TTN: variants seen among roughly 807,000 people sequenced by gnomAD.
The protein encoded by TTN is connectin.
TTN carries 1,525 observed loss-of-function variants against 3,223.0 expected under a neutral mutation model. The observed-to-expected ratio is 0.47, with a 90% CI of 0.45 to 0.49. TTN has a LOEUF of 0.49. Among genes scored for constraint, TTN ranks in the 20% least tolerant of loss-of-function variants. The pLI is 0.00. For missense variants in TTN, 40,786 were observed against 43,424.0 expected (o/e 0.94, Z 5.40); for synonymous variants, 14,094 against 15,161.0 (o/e 0.93, Z 5.17).
At chr2:178,629,702 C>T (rs1651248871) in intron 239 of TTN, among the ~76,000 whole-genome samples, 1 of 152,080 alleles carries the variant, frequency 6.6e-6, no homozygotes, top group Non-Finnish European at 1.5e-5. Context: ...GTCTCTCTGC[C>T]AGGCGTCAAG....
rs73038310 is a variant in TTN at position 178,626,530 on chromosome 2, G to A, written c.44425-1134C>T. Among the ~76,000 whole-genome samples the A allele has an allele frequency of 4.2e-3, 632 of 151,684 alleles. 7 individuals are homozygous for A. Among genetic ancestry groups the A allele is most frequent in the South Asian group, 0.024 (117 of 4,824 alleles). ...AAGTTTTTCACCAGTGGAACTATTT[G>A]TTATGCTAGTGTAAAGAAAAGAATC... On this transcript the variant is annotated intron_variant, in intron 240 of 362. Transcript: ENST00000589042.
rs541476378 is a variant in TTN at position 178,562,577 on chromosome 2, G to C, written c.83555C>G (p.Ala27852Gly). ...ASNEYGIGLPAETTEPVKVSE... is the reference protein window; with the variant it reads ...ASNEYGIGLPGETTEPVKVSE... ...CACTTTAACGGGTTCTGTTGTTTCA[G>C]CTGGCAAACCAATCCCATATTCATT... Residue 27852 changes from alanine to glycine, a missense_variant, in exon 326 of 363, where the codon GCT (alanine) becomes GGT (glycine). Physicochemically the swap from Ala to Gly is moderately conservative, Grantham distance 60. Transcript: ENST00000589042. 3 of 1,610,956 alleles carry C rather than the reference G, an allele frequency of 1.9e-6. No individual in the cohort carries two copies. Among genetic ancestry groups the C allele is most frequent in the Non-Finnish European group, 2.5e-6 (3 of 1,178,732 alleles).
intron 135 of TTN, 90 bp downstream of exon 135, chr2:178,682,607 A>C: frequency 7.7e-7 from 1 of 1,293,756 alleles, no homozygotes; most frequent in South Asian, 1.9e-5. Flanking sequence ...TGGGTATCCA[A>C]ATTTTTATCT....
At position 178,587,424 on chromosome 2, in the gene TTN, A is replaced by G. The variant is rs1401733771; in HGVS notation, c.63794-7T>C. 1 of 1,604,886 alleles carries G rather than the reference A, an allele frequency of 6.2e-7. No homozygotes were observed. The highest frequency in any genetic ancestry group is 8.5e-7 in the Non-Finnish European group (1 of 1,175,886). On this transcript the variant is annotated splice_polypyrimidine_tract_variant and splice_region_variant and intron_variant, in intron 306 of 362. Transcript: ENST00000589042. ...GACACAGGCCCAGGAGTGTCTGTAA[A>G]GAATCATAAAATCAGATATACATGT...
In TTN at chr2:178,634,380, C is replaced by T. The variant is rs764083952; in HGVS notation, c.42401G>A (p.Arg14134Gln). The T allele has an allele frequency of 1.9e-5, 30 of 1,605,786 alleles. No homozygotes were observed. Among genetic ancestry groups the T allele is most frequent in the Middle Eastern group, 1.7e-4 (1 of 6,046 alleles). The change falls in exon 230 of 363, where the codon CGG becomes CAG. Residue 14134 changes from arginine (R) to glutamine (Q), a missense_variant. Coordinates refer to ENST00000589042, the MANE Select transcript of TTN (RefSeq NM_001267550.2). The surrounding 1 kb of genome is among the most constrained non-coding windows in gnomAD (Gnocchi z 4.6). The stretch of plus-strand genomic sequence containing the variant: ...AGCTCGCTTACCTGTGACAAACAAC[C>T]GAGCTGAGGTCTTCTTGCCCTCCAC... ...AEVEGKKTSARLFVTGIRLKF... is the reference protein window; with the variant it reads ...AEVEGKKTSAQLFVTGIRLKF...
intron 111 of TTN, among the ~76,000 whole-genome samples, chr2:178,699,126 G>C (rs2074286675): frequency 6.6e-6 from 1 of 151,944 alleles, no homozygotes; most frequent in East Asian, 1.9e-4. Context: ...AAAATGTACT[G>C]TGATCTTACA....
intron 163 of TTN, 126 bp downstream of exon 163, chr2:178,666,698 G>C: frequency 1.4e-6 from 1 of 720,260 alleles, no homozygotes; most frequent in Middle Eastern, 2.9e-4. Context: ...GCTTCTACTT[G>C]GGGGATCCAT....
intron 19 of TTN, 45 bp downstream of exon 19, chr2:178,782,494 G>C: frequency 6.2e-7 from 1 of 1,613,730 alleles, no homozygotes; most frequent in Non-Finnish European, 8.5e-7. Context: ...GGGGCTGAAA[G>C]TCAAAATGGT....
At chr2:178,757,231 T>TACTGTA (rs1252574568) in intron 45 of TTN, among the ~76,000 whole-genome samples, 105 of 148,822 alleles carry the variant, frequency 7.1e-4, no homozygotes, top group African/African-American at 8.7e-4. Context: ...TAAGTAATAA[T>TACTGTA]CAGCAAATAG....
In TTN at chr2:178,734,479, A is replaced by T. The variant is rs878891236; in HGVS notation, c.15345T>A (p.Ile5115=). 21 of 1,613,644 alleles carry T rather than the reference A, an allele frequency of 1.3e-5. No homozygotes were observed. The highest frequency in any genetic ancestry group is 1.7e-5 in the Non-Finnish European group (20 of 1,179,762). The change falls in exon 52 of 363, where the codon ATT becomes ATA. Residue 5115 remains isoleucine (I), a synonymous_variant. Coordinates refer to ENST00000589042, the MANE Select transcript of TTN (RefSeq NM_001267550.2). ...EISWFKDKKQ[I]RSSKKYRLFS... is the part of the protein sequence containing the mutation. ...ACAATCTGTATTTTTTACTACTTCG[A>T]ATTTGTTTCTTGTCTTTGAACCAGC...
In TTN at chr2:178,565,718, T is replaced by G. The variant is rs370095455; in HGVS notation, c.80414A>C (p.Glu26805Ala). 4.6e-5 allele frequency: 74 copies of G among 1,613,472 alleles called. No individual in the cohort carries two copies. Among genetic ancestry groups the G allele is most frequent in the Non-Finnish European group, 6.0e-5 (71 of 1,179,632 alleles). ...TSASLMWEKP[E>A]HDGGSRVLGY... The stretch of plus-strand genomic sequence containing the variant: ...CAGGACTCTGCTACCGCCATCATGT[T>G]CAGGTTTCTCCCACATAAGTGATGC... The change falls in exon 326 of 363, where the codon GAA (glutamate) becomes GCA (alanine). Residue 26805 changes from glutamate to alanine, a missense_variant. Physicochemically the swap from Glu to Ala is moderately radical, Grantham distance 107. Transcript: ENST00000589042.
chr2:178,531,513 C>G lies in TTN; in HGVS notation c.105102G>C (p.Gly35034=). 6.2e-7 allele frequency: 1 copy of G among 1,613,872 alleles called. No homozygotes were observed. Among genetic ancestry groups the G allele is most frequent in the Non-Finnish European group, 8.5e-7 (1 of 1,179,874 alleles). ...GTTGGGAAGCATAGGTGGTATAATC[C>G]CCTCCTGTCACGTCCAACGTTGCAT... is the stretch of plus-strand genomic sequence containing the variant. ...SDYATLDVTG[G]DYTTYASQRR... is the part of the protein sequence containing the mutation. Residue 35034 remains glycine (G), a synonymous_variant, in exon 358 of 363, where the codon GGG becomes GGC. Coordinates refer to ENST00000589042, the MANE Select transcript of TTN (RefSeq NM_001267550.2).
At position 178,804,673 on chromosome 2, in the gene TTN, A is replaced by G. The variant is rs757430717; in HGVS notation, c.-13-18T>C. On this transcript the variant is annotated intron_variant, in intron 1 of 362. Transcript: ENST00000589042. ...TAGGCACTCTGAAAAAGAAGAGAAA[A>G]TAAATTAGGGTGTCCCAGCTAAGGG... The G allele has an allele frequency of 9.9e-6, 16 of 1,610,936 alleles. No individual in the cohort carries two copies. The East Asian group carries it at 3.3e-4, about 34-fold the overall frequency.
chr2:178,730,021 T>TCCCCCCCCC, intron 62 of TTN, 72 bp downstream of exon 62: 1 of 1,558,128 alleles, frequency 6.4e-7, no homozygotes, highest in Non-Finnish European at 8.8e-7. Context: ...GTCTTAAGCG[T>TCCCCCCCCC]CCCCCGCCCC....
At position 178,562,839 on chromosome 2, in the gene TTN, C is replaced by T. The variant is rs752054849; in HGVS notation, c.83293G>A (p.Asp27765Asn). 3.1e-6 allele frequency: 5 copies of T among 1,612,790 alleles called. No homozygotes were observed. Among genetic ancestry groups the T allele is most frequent in the Non-Finnish European group, 4.2e-6 (5 of 1,179,468 alleles). ...AAATTCACAGGGGCACTTGGTGAGT[C>T]AAGAACTCTGACGTTAACAAAAGCT... ...KTAFVNVRVL[D>N]SPSAPVNLTI... The change falls in exon 326 of 363, where the codon GAC becomes AAC. Residue 27765 changes from aspartate (D) to asparagine (N), a missense_variant. Transcript: ENST00000589042.
At chr2:178,699,047 T>TTAC in intron 111 of TTN, 133 bp from the exon 112 acceptor site, 2 of 953,616 alleles carry the variant, frequency 2.1e-6, no homozygotes, top group Non-Finnish European at 3.0e-6. Flanking sequence ...ATTCTGCATA[T>TTAC]TACTACAAGA....
At position 178,542,552 on chromosome 2, in the gene TTN, G is replaced by T. The variant is rs764632520; in HGVS notation, c.97204C>A (p.Pro32402Thr). ...TCAATCTTAATAGGTCCTGTTGGTG[G>T]ACCAGGCTTGTCTATGAAAGAGAAG... ...IKVIILDKPG[P>T]PTGPIKIDEI... Residue 32402 changes from proline to threonine, a missense_variant, in exon 349 of 363, where the codon CCA becomes ACA. By Grantham distance (38) the Pro-to-Thr change is conservative (BLOSUM62 -1). Transcript: ENST00000589042. 1.7e-5 allele frequency: 27 copies of T among 1,602,018 alleles called. No homozygotes were observed. In the Middle Eastern group the frequency reaches 5.0e-4, roughly 29 times the overall value.
In TTN at chr2:178,773,272, C is replaced by T. The variant is rs772310467; in HGVS notation, c.7692G>A (p.Leu2564=). ...TGATTTCCTTGTCCTTAAAATTCCA[C>T]AGGACATCAATTCCAGAGTGGGACA... The part of the protein sequence containing the change: ...VELSHSGIDV[L]WNFKDKEIKP... Residue 2564 remains leucine, a synonymous_variant, in exon 33 of 363, where the codon CTG becomes CTA. Transcript: ENST00000589042. The T allele has an allele frequency of 1.9e-6, 3 of 1,613,876 alleles. No homozygotes were observed. In the South Asian group the frequency reaches 3.3e-5, roughly 18 times the overall value.
Position 178,568,425 on chromosome 2 carries a change from C to G in TTN, c.77707G>C (p.Val25903Leu). 2 of 1,613,156 alleles carry G rather than the reference C, an allele frequency of 1.2e-6. No individual in the cohort carries two copies. Among genetic ancestry groups the G allele is most frequent in the Non-Finnish European group, 1.7e-6 (2 of 1,179,548 alleles). Residue 25903 changes from valine to leucine, a missense_variant, in exon 326 of 363, where the codon GTC becomes CTC. Val to Leu is a conservative substitution (Grantham distance 32). Coordinates refer to ENST00000589042, the MANE Select transcript of TTN (RefSeq NM_001267550.2). ...GATAATGTAATACTTTCAGCACTGACGTCATCAAATTTAACAGGTCCTTTT... is the reference window on the plus strand; with the variant it reads ...GATAATGTAATACTTTCAGCACTGAGGTCATCAAATTTAACAGGTCCTTTT... Reference protein sequence around the residue: ...PPKGPVKFDDVSAESITLSWN... With the variant: ...PPKGPVKFDDLSAESITLSWN...
Sources: allele counts gnomAD v4.1 joint callset (sites outside exome capture counted in the v4.1 genomes callset), GRCh38; gene constraint gnomAD v4.1.1; non-coding constraint Gnocchi (gnomAD v3.1); transcripts MANE v1.5; gene names NCBI Gene and HGNC (gene_info 2026-07-23, HGNC 2026-07-21).